The following RNF216 variants were observed in gnomAD, a reference collection of about 807,000 sequenced individuals.
RNF216 encodes the protein E3 ubiquitin-protein ligase RNF216.
A neutral mutation model predicts 110.8 loss-of-function variants in RNF216; 72 were observed. The ratio of observed to expected loss-of-function variants is 0.65; its 90% CI spans 0.54 to 0.79. The LOEUF is 0.79. Ranked by LOEUF, RNF216 falls within the 30% of genes least tolerant of loss-of-function variation. The pLI, the probability that RNF216 is intolerant of heterozygous loss-of-function variation, is 0.00. For missense variants in RNF216, 1,342 were observed against 1,141.2 expected (o/e 1.18, Z -2.54); for synonymous variants, 495 against 407.5 (o/e 1.21, Z -2.59).
chr7:5,707,437 T>C (rs1792364809), intron 13 of RNF216, among the ~76,000 whole-genome samples: 1 of 152,222 alleles, frequency 6.6e-6, no homozygotes, highest in African/African-American at 2.4e-5. Flanking sequence ...GGAGTGTTTG[T>C]TAGTGTACAG....
intron 14 of RNF216, among the ~76,000 whole-genome samples, chr7:5,644,349 T>C (rs2070267625): frequency 1.3e-5 from 2 of 152,226 alleles, no homozygotes; most frequent in Non-Finnish European, 2.9e-5. Flanking sequence ...CTTGTTATTT[T>C]CCATCGCTTT....
intron 13 of RNF216, among the ~76,000 whole-genome samples, chr7:5,673,957 C>G (rs1790099588): frequency 6.7e-6 from 1 of 148,390 alleles, no homozygotes; most frequent in Non-Finnish European, 1.5e-5. Context: ...GCCTCTTGGG[C>G]TCAAGTAATT....
At chr7:5,753,596 C>T (rs1584576597) in intron 2 of RNF216, among the ~76,000 whole-genome samples, 1 of 152,088 alleles carries the variant, frequency 6.6e-6, no homozygotes, top group East Asian at 1.9e-4. Context: ...TTCCTTTTAT[C>T]AATTTGAAAA....
At chr7:5,656,138 G>A (rs564971030) in intron 13 of RNF216, among the ~76,000 whole-genome samples, 24 of 152,186 alleles carry the variant, frequency 1.6e-4, no homozygotes, top group African/African-American at 5.3e-4. Context: ...GCATGGTGGC[G>A]GGCTTCTGTA....
At chr7:5,630,555 T>A (rs1401892837) in intron 15 of RNF216, among the ~76,000 whole-genome samples, 1 of 152,080 alleles carries the variant, frequency 6.6e-6, no homozygotes, top group African/African-American at 2.4e-5. Context: ...ATTTTTAATT[T>A]TTCTTATAGA....
At chr7:5,753,089 T>C (rs1289977240) in intron 2 of RNF216, 110 bp from the exon 3 acceptor site, 3 of 1,083,526 alleles carry the variant, frequency 2.8e-6, no homozygotes, top group Non-Finnish European at 2.6e-6. Flanking sequence ...TGGCTACTAG[T>C]GTAACGTACC....
At chr7:5,647,328 CTTTTT>C (rs10617479) in intron 14 of RNF216, among the ~76,000 whole-genome samples, 13,846 of 94,932 alleles carry the variant, frequency 0.15, 1,214 homozygotes, top group African/African-American at 0.31. Context: ...TTCTTTCTTT[CTTTTT>C]TTTTTTTTTT....
At chr7:5,737,076 T>G (rs1045180675) in intron 5 of RNF216, among the ~76,000 whole-genome samples, 1 of 152,214 alleles carries the variant, frequency 6.6e-6, no homozygotes, top group Non-Finnish European at 1.5e-5. Context: ...CTGTGTCGAA[T>G]AGAAAAGGGG....
chr7:5,761,886 G>A (rs1375097818), intron 1 of RNF216, among the ~76,000 whole-genome samples: 1 of 152,138 alleles, frequency 6.6e-6, no homozygotes, highest in Admixed American at 6.5e-5. Flanking sequence ...GGTTTGAAGA[G>A]TAACTTGGAA....
At chr7:5,716,179 AC>A (rs1765370550) in intron 10 of RNF216, among the ~76,000 whole-genome samples, 1 of 152,108 alleles carries the variant, frequency 6.6e-6, no homozygotes, top group Non-Finnish European at 1.5e-5. Context: ...GGCACGAGCC[AC>A]GGTGCCCGGC....
At position 5,779,049 on chromosome 7, in the gene RNF216, T is replaced by C. The variant is rs79941162; in HGVS notation, c.-70+2492A>G. Among the ~76,000 whole-genome samples the C allele has an allele frequency of 1.9e-3, 294 of 152,358 alleles. 3 individuals are homozygous for C. The highest frequency in any genetic ancestry group is 0.01 in the Middle Eastern group (3 of 294). Reference sequence around the variant, plus strand: ...GTGAGCCACACCATTCCCAACTATGTTCTATTATCTTTAACAATAATGCAA... The same window carrying C: ...GTGAGCCACACCATTCCCAACTATGCTCTATTATCTTTAACAATAATGCAA... On this transcript the variant is annotated intron_variant, in intron 1 of 16. Transcript: ENST00000389902.
chr7:5,674,963 C>T (rs1011755598), intron 13 of RNF216, among the ~76,000 whole-genome samples: 5 of 152,142 alleles, frequency 3.3e-5, no homozygotes, highest in Non-Finnish European at 7.3e-5. Context: ...CGCCACTGCA[C>T]TCCAGCCTGG....
chr7:5,736,300 T>C (rs1224094022), intron 5 of RNF216, among the ~76,000 whole-genome samples: 3 of 152,182 alleles, frequency 2.0e-5, no homozygotes, highest in Admixed American at 2.0e-4. Flanking sequence ...GTATTTTTTT[T>C]TGGTGGAGAT....
intron 14 of RNF216, among the ~76,000 whole-genome samples, chr7:5,649,247 C>G (rs1788234589): frequency 6.6e-6 from 1 of 151,960 alleles, no homozygotes; most frequent in East Asian, 1.9e-4. Flanking sequence ...CAAAAATTAG[C>G]TGGGCGTGGT....
chr7:5,778,222 C>CA (rs1796890447), intron 1 of RNF216, among the ~76,000 whole-genome samples: 1 of 152,206 alleles, frequency 6.6e-6, no homozygotes, highest in Non-Finnish European at 1.5e-5. Context: ...ATTCACCATT[C>CA]AGTAGTAACA....
At chr7:5,750,990 A>G (rs1215652944) in intron 3 of RNF216, among the ~76,000 whole-genome samples, 1 of 152,234 alleles carries the variant, frequency 6.6e-6, no homozygotes, top group Non-Finnish European at 1.5e-5. Flanking sequence ...TGGTTAAAAC[A>G]AGGTAGACTC....
At chr7:5,627,703 C>T (rs1372292024) in intron 15 of RNF216, among the ~76,000 whole-genome samples, 3 of 151,410 alleles carry the variant, frequency 2.0e-5, no homozygotes, top group Admixed American at 1.3e-4. Flanking sequence ...GCCGAGATCG[C>T]GCCACTGCAC....
intron 8 of RNF216, 152 bp downstream of exon 8, chr7:5,725,172 T>A: frequency 2.0e-6 from 1 of 499,256 alleles, no homozygotes; most frequent in Non-Finnish European, 3.6e-6. Flanking sequence ...AAAATTTTGA[T>A]GTGCTGAGAA....
At position 5,621,303 on chromosome 7, in the gene RNF216, T is replaced by C. The variant is rs852440; in HGVS notation, c.*1557A>G. 0.021 allele frequency: 3,216 copies of C among 152,208 alleles called. 44 individuals carry two copies. Among genetic ancestry groups the C allele is most frequent in the South Asian group, 0.037 (179 of 4,822 alleles). The allele number at this position is 152,208 out of a possible 1,614,324, so 9.4% of individuals were successfully genotyped here. On this transcript the variant is annotated 3_prime_UTR_variant, in exon 17 of 17. Coordinates refer to ENST00000389902, the MANE Select transcript of RNF216 (RefSeq NM_207111.4). ...GATTCTCCTGCCTCAGCCTCCTGAG[T>C]ACCTGGGATTATAGGCATGCGCCAC...
Sources: gnomAD v4.1 joint callset for allele counts (sites outside exome capture counted in the v4.1 genomes callset) on GRCh38, gnomAD v4.1.1 for gene constraint, MANE v1.5 for transcripts, NCBI Gene and HGNC (gene_info 2026-07-23, HGNC 2026-07-21) for gene names.